Variants in LYNX1 observed in about 807,000 individuals in gnomAD.
LYNX1 encodes the protein ly-6/neurotoxin-like protein 1.
LYNX1 carries 8 observed loss-of-function variants against 8.3 expected under a neutral mutation model. That is an observed-to-expected ratio of 0.97 (90% confidence interval 0.57 to 1.74). LYNX1 has a LOEUF of 1.74. Among genes scored for constraint, LYNX1 ranks in the 40% most tolerant of loss-of-function variants. The pLI, the probability that LYNX1 is intolerant of heterozygous loss-of-function variation, is 0.00. For missense variants in LYNX1, 158 were observed against 159.7 expected (o/e 0.99, Z 0.06); for synonymous variants, 73 against 67.9 (o/e 1.08, Z -0.37).
chr8:142,774,144 C>CGCCCG lies in LYNX1; in HGVS notation c.*1022_*1023insCGGGC. 6.1e-6 allele frequency: 6 copies of CGCCCG among 983,758 alleles called. No homozygotes were observed. Among genetic ancestry groups the CGCCCG allele is most frequent in the African/African-American group, 1.8e-5 (1 of 56,986 alleles). 60.9% of individuals were successfully genotyped at this position (983,758 alleles called of 1,614,324 possible). A position where few individuals can be genotyped will look rare whatever the true frequency, so the allele number is the denominator to read the frequency against. ...CGCTGCGGGGGAGGGGCTGGGTCTC[C>CGCCCG]GCCCTCCCCACCCCACCCTCCCCAC... On this transcript the variant is annotated 3_prime_UTR_variant, in exon 4 of 4. Transcript: ENST00000652477.
chr8:142,777,823 C>T (rs1458191857), upstream of LYNX1: 21 of 398,724 alleles, frequency 5.3e-5, no homozygotes. Flanking sequence ...GCCTTCCCCG[C>T]AGCCGCCTCC....
In LYNX1 at chr8:142,772,945, C is replaced by T. The variant is rs1190831261; in HGVS notation, c.*2222G>A. On this transcript the variant is annotated 3_prime_UTR_variant, in exon 4 of 4. Transcript: ENST00000652477. Reference sequence around the variant, plus strand: ...AGCTGCCCACCCCACCCCTCAACACCACAGCACTTCCAGCTCCAGCAGGTC... The same window carrying T: ...AGCTGCCCACCCCACCCCTCAACACTACAGCACTTCCAGCTCCAGCAGGTC... The T allele has an allele frequency of 2.0e-5, 20 of 985,808 alleles. No individual in the cohort carries two copies. The highest frequency in any genetic ancestry group is 2.4e-5 in the Non-Finnish European group (20 of 830,316). The allele number at this position is 985,808 out of a possible 1,614,324, so 61.1% of individuals were successfully genotyped here. A position where few individuals can be genotyped will look rare whatever the true frequency, so the allele number is the denominator to read the frequency against.
rs1815286192 is a variant in LYNX1 at position 142,773,908 on chromosome 8, C to T, written c.*1259G>A. 4.1e-6 allele frequency: 4 copies of T among 985,428 alleles called. No individual in the cohort carries two copies. Among genetic ancestry groups the T allele is most frequent in the Non-Finnish European group, 3.6e-6 (3 of 829,940 alleles). The allele number at this position is 985,428 out of a possible 1,614,324, so 61.0% of individuals were successfully genotyped here. On this transcript the variant is annotated 3_prime_UTR_variant, in exon 4 of 4. Coordinates refer to ENST00000652477, the MANE Select transcript of LYNX1 (RefSeq NM_177477.4). ...CCGCTGGCACCAAAAGGTCTCACGC[C>T]CCCGAATGCCCCATTCACAGCAGGG...
upstream of LYNX1, chr8:142,777,633 G>A (rs190460688): frequency 5.1e-6 from 2 of 389,136 alleles, no homozygotes; most frequent in East Asian, 7.2e-5. Context: ...GCAGGCCTCG[G>A]CCCGGACCCG....
In LYNX1 at chr8:142,771,233, G is replaced by A; in HGVS notation, c.*3934C>T. The A allele has an allele frequency of 1.0e-6, 1 of 985,514 alleles. No homozygotes were observed. Among genetic ancestry groups the A allele is most frequent in the South Asian group, 4.7e-5 (1 of 21,296 alleles). The allele number at this position is 985,514 out of a possible 1,614,324, so 61.0% of individuals were successfully genotyped here. A position where few individuals can be genotyped will look rare whatever the true frequency, so the allele number is the denominator to read the frequency against. The stretch of plus-strand genomic sequence containing the variant: ...TCTGTTGATTTATTTACGGCTCGGT[G>A]AGACGACGCTGGACGCTGGTTAGGG... On this transcript the variant is annotated 3_prime_UTR_variant, in exon 4 of 4. Coordinates refer to ENST00000652477, the MANE Select transcript of LYNX1 (RefSeq NM_177477.4).
chr8:142,774,984 G>A lies in LYNX1; in HGVS notation c.*183C>T. On this transcript the variant is annotated 3_prime_UTR_variant, in exon 4 of 4. Coordinates refer to ENST00000652477, the MANE Select transcript of LYNX1 (RefSeq NM_177477.4). ...TCCCACACAGCATCGAAAGGTCAAG[G>A]CCTCGAAGTGAGGTCGTGTGGTGGT... The A allele has an allele frequency of 7.0e-7, 1 of 1,434,292 alleles. No homozygotes were observed. The highest frequency in any genetic ancestry group is 9.1e-7 in the Non-Finnish European group (1 of 1,098,566). The allele number at this position is 1,434,292 out of a possible 1,614,324, so 88.8% of individuals were successfully genotyped here. A position where few individuals can be genotyped will look rare whatever the true frequency, so the allele number is the denominator to read the frequency against.
chr8:142,773,474 G>C lies in LYNX1; in HGVS notation c.*1693C>G. The C allele has an allele frequency of 1.0e-6, 1 of 985,466 alleles. No individual in the cohort carries two copies. Among genetic ancestry groups the C allele is most frequent in the Non-Finnish European group, 1.2e-6 (1 of 829,992 alleles). 61.0% of individuals were successfully genotyped at this position (985,466 alleles called of 1,614,324 possible). ...GTCACGTTCCTCCCGCTCCGGGCCC[G>C]TTCCCACCCAAGGTCCCTTTGCAGA... On this transcript the variant is annotated 3_prime_UTR_variant, in exon 4 of 4. Transcript: ENST00000652477.
chr8:142,777,847 C>T (rs1275923432), upstream of LYNX1: 23 of 398,680 alleles, frequency 5.8e-5, no homozygotes. Flanking sequence ...CACTCGCCCG[C>T]GCCGCGTCGT....
At position 142,772,774 on chromosome 8, in the gene LYNX1, G is replaced by A; in HGVS notation, c.*2393C>T. 1 of 985,576 alleles carries A rather than the reference G, an allele frequency of 1.0e-6. No individual in the cohort carries two copies. The highest frequency in any genetic ancestry group is 1.2e-6 in the Non-Finnish European group (1 of 829,998). The allele number at this position is 985,576 out of a possible 1,614,324, so 61.1% of individuals were successfully genotyped here. A position where few individuals can be genotyped will look rare whatever the true frequency, so the allele number is the denominator to read the frequency against. On this transcript the variant is annotated 3_prime_UTR_variant, in exon 4 of 4. Transcript: ENST00000652477. ...GCACAGCCACGCACTCCCCATGAGT[G>A]GGCCTGCCCAGCATTAGCTGAGTGC...
At position 142,771,923 on chromosome 8, in the gene LYNX1, C is replaced by A; in HGVS notation, c.*3244G>T. The A allele has an allele frequency of 3.0e-6, 3 of 986,006 alleles. No individual in the cohort carries two copies. Among genetic ancestry groups the A allele is most frequent in the Non-Finnish European group, 3.6e-6 (3 of 830,078 alleles). 61.1% of individuals were successfully genotyped at this position (986,006 alleles called of 1,614,324 possible). A position where few individuals can be genotyped will look rare whatever the true frequency, so the allele number is the denominator to read the frequency against. ...GCCGGGTGTCCCCATGCTGACCTGG[C>A]CATGTCCCCAGGTCCCACCCCAGGG... On this transcript the variant is annotated 3_prime_UTR_variant, in exon 4 of 4. Transcript: ENST00000652477.
rs1403669549 is a variant in LYNX1, at chr8:142,771,441, G to C, written c.*3726C>G. On this transcript the variant is annotated 3_prime_UTR_variant, in exon 4 of 4. Coordinates refer to ENST00000652477, the MANE Select transcript of LYNX1 (RefSeq NM_177477.4). ...TCCTCAAGATGCAAATGAAGCTCAGGGCTGGGCGGAAGCTGGCAGGGCTGT... is the reference window on the plus strand; with the variant it reads ...TCCTCAAGATGCAAATGAAGCTCAGCGCTGGGCGGAAGCTGGCAGGGCTGT... 1.0e-6 allele frequency: 1 copy of C among 985,360 alleles called. No homozygotes were observed. The highest frequency in any genetic ancestry group is 1.2e-6 in the Non-Finnish European group (1 of 829,984). The allele number at this position is 985,360 out of a possible 1,614,324, so 61.0% of individuals were successfully genotyped here.
In LYNX1 at chr8:142,774,892, C is replaced by T; in HGVS notation, c.*275G>A. 6 of 1,351,866 alleles carry T rather than the reference C, an allele frequency of 4.4e-6. No individual in the cohort carries two copies. Among genetic ancestry groups the T allele is most frequent in the Non-Finnish European group, 5.7e-6 (6 of 1,052,378 alleles). The allele number at this position is 1,351,866 out of a possible 1,614,324, so 83.7% of individuals were successfully genotyped here. On this transcript the variant is annotated 3_prime_UTR_variant, in exon 4 of 4. Transcript: ENST00000652477. ...TCAGTGCTCCCTGCCTGACTGGGCCCCTCCCCATAAATAGCCCTGGACAGG... is the reference window on the plus strand; with the variant it reads ...TCAGTGCTCCCTGCCTGACTGGGCCTCTCCCCATAAATAGCCCTGGACAGG...
Position 142,775,204 on chromosome 8 carries a change from G to A in LYNX1, c.314C>T (p.Ala105Val). ...CCAGAGGGTGGCCAGGAGGATGGGG[G>A]CCAGGGCCAGGGTGGCCGGGGTGGC... ...GLATPATLALAPILLATLWGL... is the reference protein window; with the variant it reads ...GLATPATLALVPILLATLWGL... Residue 105 changes from alanine (A) to valine (V), a missense_variant, in exon 4 of 4, where the codon GCC becomes GTC. Ala to Val is a moderately conservative substitution (Grantham distance 64). Coordinates refer to ENST00000652477, the MANE Select transcript of LYNX1 (RefSeq NM_177477.4). 6.2e-7 allele frequency: 1 copy of A among 1,612,782 alleles called. No individual in the cohort carries two copies. The highest frequency in any genetic ancestry group is 8.5e-7 in the Non-Finnish European group (1 of 1,179,558).
chr8:142,773,384 C>T lies in LYNX1; in HGVS notation c.*1783G>A. 1.0e-6 allele frequency: 1 copy of T among 985,796 alleles called. No homozygotes were observed. The highest frequency in any genetic ancestry group is 1.2e-6 in the Non-Finnish European group (1 of 830,226). 61.1% of individuals were successfully genotyped at this position (985,796 alleles called of 1,614,324 possible). On this transcript the variant is annotated 3_prime_UTR_variant, in exon 4 of 4. Coordinates refer to ENST00000652477, the MANE Select transcript of LYNX1 (RefSeq NM_177477.4). ...AGGGGCGAGGGGAGTCCAGGCCCAC[C>T]CTGTGCTGGCAGCAACTCCTTCCCA... is the stretch of plus-strand genomic sequence containing the variant.
At chr8:142,776,825 G>A (rs983163212) in intron 1 of LYNX1, 1 of 152,292 alleles carries the variant, frequency 6.6e-6, no homozygotes, top group Non-Finnish European at 1.5e-5. Flanking sequence ...GGTTTACAGT[G>A]GGGAGGTGGG....
chr8:142,772,535 A>C lies in LYNX1; in HGVS notation c.*2632T>G. 1.0e-6 allele frequency: 1 copy of C among 985,486 alleles called. No individual in the cohort carries two copies. Among genetic ancestry groups the C allele is most frequent in the South Asian group, 4.7e-5 (1 of 21,294 alleles). The allele number at this position is 985,486 out of a possible 1,614,324, so 61.0% of individuals were successfully genotyped here. On this transcript the variant is annotated 3_prime_UTR_variant, in exon 4 of 4. Transcript: ENST00000652477. ...GGGGGTGGTGAGTGAGCGAGGAGGC[A>C]CTAGTGTGGGGCAGCTACTTCACCT...
chr8:142,774,202 T>C lies in LYNX1; in HGVS notation c.*965A>G, dbSNP rs1417005104. The C allele has an allele frequency of 2.1e-6, 2 of 961,204 alleles. No individual in the cohort carries two copies. Among genetic ancestry groups the C allele is most frequent in the Non-Finnish European group, 2.4e-6 (2 of 824,572 alleles). The allele number at this position is 961,204 out of a possible 1,614,324, so 59.5% of individuals were successfully genotyped here. On this transcript the variant is annotated 3_prime_UTR_variant, in exon 4 of 4. Transcript: ENST00000652477. ...CCCGCACGGCCACGAGAGGGTGGCA[T>C]GCTCCGCCTTCCCACGCCCAGGCCC...
In LYNX1 at chr8:142,776,076, C is replaced by A. The variant is rs1299103428; in HGVS notation, c.-119G>T. On this transcript the variant is annotated 5_prime_UTR_variant, in exon 2 of 4. Coordinates refer to ENST00000652477, the MANE Select transcript of LYNX1 (RefSeq NM_177477.4). ...GGGTGGTGCGCAGAGGACGTGGGGCCGGCCCTGCCTCCCGGAGCTCCTGGT... is the reference window on the plus strand; with the variant it reads ...GGGTGGTGCGCAGAGGACGTGGGGCAGGCCCTGCCTCCCGGAGCTCCTGGT... The A allele has an allele frequency of 1.7e-6, 2 of 1,184,288 alleles. No homozygotes were observed. Among genetic ancestry groups the A allele is most frequent in the South Asian group, 1.3e-5 (1 of 76,970 alleles). 73.4% of individuals were successfully genotyped at this position (1,184,288 alleles called of 1,614,324 possible).
rs1815174219 is a variant in LYNX1, at chr8:142,771,477, G to T, written c.*3690C>A. 1.0e-6 allele frequency: 1 copy of T among 985,354 alleles called. No individual in the cohort carries two copies. The highest frequency in any genetic ancestry group is 1.2e-6 in the Non-Finnish European group (1 of 829,992). The allele number at this position is 985,354 out of a possible 1,614,324, so 61.0% of individuals were successfully genotyped here. On this transcript the variant is annotated 3_prime_UTR_variant, in exon 4 of 4. Coordinates refer to ENST00000652477, the MANE Select transcript of LYNX1 (RefSeq NM_177477.4). ...AGCTGGCAGGGCTGTCCACAGGGAG[G>T]ACCCCCGTGTGTCTCTCGGGCTGCC...
Sources: gnomAD v4.1 joint callset for allele counts on GRCh38, gnomAD v4.1.1 for gene constraint, MANE v1.5 for transcripts, NCBI Gene and HGNC (gene_info 2026-07-23, HGNC 2026-07-21) for gene names.